The following SLC14A2 variants were observed in gnomAD, a reference collection of about 807,000 sequenced individuals.
SLC14A2 encodes the protein urea transporter 2.
A neutral mutation model predicts 104.6 loss-of-function variants in SLC14A2; 91 were observed. The ratio of observed to expected loss-of-function variants is 0.87; its 90% CI spans 0.73 to 1.04. SLC14A2 has a LOEUF of 1.04. SLC14A2 is among the 50% of genes least tolerant of loss of function. The probability of loss-of-function intolerance (pLI) is 0.00; values close to 1 mark genes in which losing one functional copy is unlikely to be tolerated. For synonymous variants in SLC14A2, 476 were observed against 466.4 expected, an observed-to-expected ratio of 1.02 and a Z score of -0.27; for missense variants, 1,189 against 1,156.0, an observed-to-expected ratio of 1.03 and a Z score of -0.41.
At chr18:45,220,522 C>T (rs1255719806) in intron 1 of SLC14A2, among the ~76,000 whole-genome samples, 1 of 151,578 alleles carries the variant, frequency 6.6e-6, no homozygotes, top group African/African-American at 2.4e-5. Flanking sequence ...TAAGCTTGAC[C>T]TGTGTCCCTA....
In SLC14A2 at chr18:45,318,805, C is replaced by T. The variant is rs148580592; in HGVS notation, c.-125+105614C>T. On this transcript the variant is annotated intron_variant, in intron 1 of 20. Transcript: ENST00000586448. ...TCTGTCTAAAAAAAAAAAAAAAATT[C>T]GCAGGTCCTCCCCAGGCTGGGACAT... Among the ~76,000 whole-genome samples, 727 of 151,522 alleles carry T rather than the reference C, an allele frequency of 4.8e-3. 26 individuals are homozygous for T. In the East Asian group the frequency reaches 0.07, roughly 15 times the overall value.
At chr18:45,258,089 C>A (rs1599620164) in intron 1 of SLC14A2, among the ~76,000 whole-genome samples, 1 of 152,260 alleles carries the variant, frequency 6.6e-6, no homozygotes, top group East Asian at 1.9e-4. Flanking sequence ...TCATTCTCAC[C>A]ACCATCCTAT....
chr18:45,427,733 T>C (rs1245751798), intron 1 of SLC14A2, among the ~76,000 whole-genome samples: 1 of 152,110 alleles, frequency 6.6e-6, no homozygotes, highest in Non-Finnish European at 1.5e-5. Flanking sequence ...GAAATGTGAC[T>C]ATATTTGGGA....
At chr18:45,382,808 C>T (rs763523393) in intron 1 of SLC14A2, among the ~76,000 whole-genome samples, 1 of 152,178 alleles carries the variant, frequency 6.6e-6, no homozygotes, top group Non-Finnish European at 1.5e-5. Flanking sequence ...CTGTAGATAT[C>T]CCTTTTTTCT....
At chr18:45,598,727 G>A (rs1289742584) in intron 2 of SLC14A2, among the ~76,000 whole-genome samples, 2 of 152,134 alleles carry the variant, frequency 1.3e-5, no homozygotes, top group Non-Finnish European at 2.9e-5. Context: ...TCAGGGACCT[G>A]GACTCTTGTC....
chr18:45,658,763 C>T (rs1383044179), intron 10 of SLC14A2, among the ~76,000 whole-genome samples: 1 of 151,950 alleles, frequency 6.6e-6, no homozygotes, highest in Non-Finnish European at 1.5e-5. Context: ...CTTTATTTCA[C>T]CAGTGGGCAC....
chr18:45,426,151 A>G (rs924649231), intron 1 of SLC14A2, among the ~76,000 whole-genome samples: 1 of 152,122 alleles, frequency 6.6e-6, no homozygotes, highest in African/African-American at 2.4e-5. Context: ...CTTATCTAGC[A>G]GTCAAGACCC....
intron 2 of SLC14A2, among the ~76,000 whole-genome samples, chr18:45,517,307 G>T (rs1374918785): frequency 1.3e-5 from 2 of 152,144 alleles, no homozygotes. Flanking sequence ...ATTGAGTTTG[G>T]CAGGAATTCC....
At chr18:45,185,214 G>A in the SLC14A2 span, among the ~76,000 whole-genome samples, 1 of 152,166 alleles carries the variant, frequency 6.6e-6, no homozygotes, top group African/African-American at 2.4e-5. Flanking sequence ...AAAGAAGAAT[G>A]TATTTGTCAC....
chr18:45,520,345 G>A (rs79357599), intron 2 of SLC14A2, among the ~76,000 whole-genome samples: 1 of 152,002 alleles, frequency 6.6e-6, no homozygotes, highest in African/African-American at 2.4e-5. Context: ...TGTGACTGTT[G>A]GCAGATCACC....
At chr18:45,647,408 A>G (rs2144575409) in intron 10 of SLC14A2, 1 of 152,214 alleles carries the variant, frequency 6.6e-6, no homozygotes, top group East Asian at 1.9e-4. Context: ...CTTTTCTTTA[A>G]TCAGGTTTGC....
At chr18:45,450,998 C>T (rs751002674) in intron 1 of SLC14A2, among the ~76,000 whole-genome samples, 7 of 152,210 alleles carry the variant, frequency 4.6e-5, no homozygotes, top group East Asian at 1.9e-4. Flanking sequence ...AAGGGAGCCA[C>T]GGTGTTTATA....
chr18:45,241,880 T>A (rs986330297), intron 1 of SLC14A2, among the ~76,000 whole-genome samples: 16 of 151,868 alleles, frequency 1.1e-4, no homozygotes, highest in African/African-American at 3.9e-4. Flanking sequence ...CGACCTCAGG[T>A]GATTCACCTG....
chr18:45,285,661 G>GC (rs10536916), intron 1 of SLC14A2, among the ~76,000 whole-genome samples: 3,093 of 123,544 alleles, frequency 0.025, 53 homozygotes, highest in Non-Finnish European at 0.041. Context: ...CAGGTGATCT[G>GC]CCCCCCCCCC....
intron 1 of SLC14A2, among the ~76,000 whole-genome samples, chr18:45,374,533 C>T (rs1231634079): frequency 6.6e-6 from 1 of 151,900 alleles, no homozygotes; most frequent in Non-Finnish European, 1.5e-5. Flanking sequence ...TGTTCAATCC[C>T]TACTCCCACC....
intron 1 of SLC14A2, among the ~76,000 whole-genome samples, chr18:45,281,242 A>G (rs2084759334): frequency 6.6e-6 from 1 of 152,146 alleles, no homozygotes; most frequent in Non-Finnish European, 1.5e-5. Context: ...CTTGGAGTTT[A>G]CTCACTACAT....
At chr18:45,549,986 TTTTA>T (rs200026433) in intron 2 of SLC14A2, 13,524 of 151,876 alleles carry the variant, frequency 0.089, 717 homozygotes, top group Non-Finnish European at 0.12. Context: ...TTTTTTTTTT[TTTTA>T]AAGAGCATGT....
intron 1 of SLC14A2, among the ~76,000 whole-genome samples, chr18:45,451,449 T>C (rs2086856504): frequency 6.6e-6 from 1 of 151,124 alleles, no homozygotes; most frequent in African/African-American, 2.5e-5. Flanking sequence ...AACTATCTGA[T>C]CCTTGGGAGA....
chr18:45,361,955 T>C (rs2085616056), intron 1 of SLC14A2, among the ~76,000 whole-genome samples: 1 of 152,248 alleles, frequency 6.6e-6, no homozygotes, highest in East Asian at 1.9e-4. Flanking sequence ...GAATCACTGG[T>C]GATATGGTTG....
Sources: allele counts gnomAD v4.1 joint callset (sites outside exome capture counted in the v4.1 genomes callset), GRCh38; gene constraint gnomAD v4.1.1; transcripts MANE v1.5; gene names NCBI Gene and HGNC (gene_info 2026-07-23, HGNC 2026-07-21).